The following TRIM14 variants were observed in gnomAD, a reference collection of about 807,000 sequenced individuals.
The protein encoded by TRIM14 is tripartite motif containing 14, also known as tripartite motif-containing protein 14.
In TRIM14, 28 loss-of-function variants were observed where a neutral mutation model predicts 44.5. That is an observed-to-expected ratio of 0.63 (90% CI 0.47 to 0.86). The LOEUF is 0.86. TRIM14 is among the 40% of genes least tolerant of loss of function. The pLI, the probability that TRIM14 is intolerant of heterozygous loss-of-function variation, is 0.00. For synonymous variants in TRIM14, 299 were observed against 269.2 expected (o/e 1.11, Z -1.08); for missense variants, 607 against 611.1 (o/e 0.99, Z 0.07).
intron 6 of TRIM14, among the ~76,000 whole-genome samples, chr9:98,077,826 G>A (rs113657677): frequency 6.6e-6 from 1 of 152,154 alleles, no homozygotes; most frequent in Non-Finnish European, 1.5e-5. Flanking sequence ...AGAAGTGGCA[G>A]CTCCACACCT....
At chr9:98,118,809 C>T (rs1384315094) in intron 1 of TRIM14, among the ~76,000 whole-genome samples, 173 bp downstream of exon 1, 1 of 152,230 alleles carries the variant, frequency 6.6e-6, no homozygotes, top group Admixed American at 6.5e-5. Context: ...CCTTGGGTCT[C>T]AGGCTCCCGC....
the TRIM14 span, among the ~76,000 whole-genome samples, chr9:98,050,435 T>C: frequency 6.6e-6 from 1 of 152,160 alleles, no homozygotes; most frequent in Non-Finnish European, 1.5e-5. Context: ...GAGTAGAGGG[T>C]ACCTCCTTAT....
the TRIM14 span, among the ~76,000 whole-genome samples, chr9:98,042,016 C>T: frequency 6.6e-6 from 1 of 151,532 alleles, no homozygotes; most frequent in South Asian, 2.1e-4. Context: ...TTTTCCTGGC[C>T]GGGCGCGGTG....
chr9:98,091,595 A>G (rs1172500457), intron 5 of TRIM14, among the ~76,000 whole-genome samples: 4 of 152,188 alleles, frequency 2.6e-5, no homozygotes, highest in Admixed American at 2.6e-4. Context: ...ACATAAAAAG[A>G]TATATTAAAT....
rs962328836 is a variant in TRIM14, at chr9:98,078,346, C to T, written c.*29-8659G>A. 14 of 1,613,632 alleles carry T rather than the reference C, an allele frequency of 8.7e-6. No homozygotes were observed. Among genetic ancestry groups the T allele is most frequent in the Admixed American group, 8.3e-5 (5 of 59,980 alleles). On this transcript the variant is annotated intron_variant, in intron 6 of 6. Transcript: ENST00000375098. ...GAGGACGTCAACCTGCGGGTCATCTCGGTGAGCAGGAGGGAGGGGGTTCCC... is the reference window on the plus strand; with the variant it reads ...GAGGACGTCAACCTGCGGGTCATCTTGGTGAGCAGGAGGGAGGGGGTTCCC...
intron 2 of TRIM14, among the ~76,000 whole-genome samples, chr9:98,103,925 C>G (rs946868369): frequency 2.0e-4 from 31 of 152,096 alleles, no homozygotes; most frequent in African/African-American, 7.2e-4. Context: ...ATGAACCCAG[C>G]ACCCAGCCAG....
chr9:98,102,546 C>A (rs1162908127), intron 2 of TRIM14, among the ~76,000 whole-genome samples: 3 of 152,136 alleles, frequency 2.0e-5, no homozygotes, highest in African/African-American at 7.2e-5. Context: ...GGATGAACCT[C>A]GAAGACATCA....
At chr9:98,038,942 G>C in the TRIM14 span, among the ~76,000 whole-genome samples, 1 of 151,960 alleles carries the variant, frequency 6.6e-6, no homozygotes, top group African/African-American at 2.4e-5. Flanking sequence ...CCCAGCTACT[G>C]GGGAGGCTGA....
chr9:98,099,209 T>G (rs1826297266), intron 3 of TRIM14, among the ~76,000 whole-genome samples: 1 of 151,756 alleles, frequency 6.6e-6, no homozygotes, highest in African/African-American at 2.4e-5. Flanking sequence ...TCCCAGCACT[T>G]TGGGAGGCTG....
chr9:98,061,523 T>C, the TRIM14 span, among the ~76,000 whole-genome samples: 1 of 146,368 alleles, frequency 6.8e-6, no homozygotes, highest in African/African-American at 2.5e-5. Flanking sequence ...GTCTCACACC[T>C]GTAATCCCAG....
chr9:98,078,749 C>T (rs947512558), intron 6 of TRIM14, among the ~76,000 whole-genome samples: 1 of 149,658 alleles, frequency 6.7e-6, no homozygotes, highest in African/African-American at 2.5e-5. Context: ...GCAGGAGAAT[C>T]GCTTGAATTC....
chr9:98,063,928 G>T, the TRIM14 span, among the ~76,000 whole-genome samples: 1 of 152,182 alleles, frequency 6.6e-6, no homozygotes, highest in African/African-American at 2.4e-5. Context: ...CTTAGAAATA[G>T]ATTTTTAGGT....
chr9:98,077,434 T>C (rs974816857), intron 6 of TRIM14, among the ~76,000 whole-genome samples: 3 of 152,030 alleles, frequency 2.0e-5, no homozygotes, highest in African/African-American at 7.3e-5. Context: ...GGTCTTGAAC[T>C]CCTGGATTCA....
chr9:98,064,258 A>AT, the TRIM14 span, among the ~76,000 whole-genome samples: 65 of 145,648 alleles, frequency 4.5e-4, no homozygotes, highest in East Asian at 7.9e-4. Context: ...CTAATTCCCT[A>AT]TTTTTTTTTT....
intron 4 of TRIM14, 32 bp downstream of exon 4, chr9:98,094,835 A>AAGG: frequency 6.2e-7 from 1 of 1,606,882 alleles, no homozygotes; most frequent in Non-Finnish European, 8.5e-7. Context: ...TAGGGGAGTT[A>AAGG]AGGACACAAA....
chr9:98,072,226 A>C lies in TRIM14; in HGVS notation c.*29-2539T>G, dbSNP rs144546296. ...CTATCTGGAGGATTCAGGGAGCTAA[A>C]CCCGTGGGGTGCCAGCACAGGGCCA... is the stretch of plus-strand genomic sequence containing the variant. On this transcript the variant is annotated intron_variant, in intron 6 of 6. Coordinates refer to the TRIM14 transcript ENST00000375098. Among the ~76,000 whole-genome samples, 971 of 151,904 alleles carry C rather than the reference A, an allele frequency of 6.4e-3. 6 individuals carry two copies. The highest frequency in any genetic ancestry group is 0.022 in the African/African-American group (918 of 41,436).
chr9:98,087,031 C>T lies in TRIM14; in HGVS notation c.*439G>A, dbSNP rs937893200. On this transcript the variant is annotated 3_prime_UTR_variant, in exon 6 of 6. Coordinates refer to ENST00000341469, the MANE Select transcript of TRIM14 (RefSeq NM_014788.4). ...GGGAGGAAGCGGAAGATTCAAGGGA[C>T]CTCAAGAGACAGAAGAGTCAGGACT... 1 of 302,960 alleles carries T rather than the reference C, an allele frequency of 3.3e-6. No individual in the cohort carries two copies. The highest frequency in any genetic ancestry group is 2.2e-5 in the African/African-American group (1 of 45,190). The allele number at this position is 302,960 out of a possible 1,614,324, so 18.8% of individuals were successfully genotyped here.
At chr9:98,058,239 T>C in the TRIM14 span, among the ~76,000 whole-genome samples, 1 of 152,122 alleles carries the variant, frequency 6.6e-6, no homozygotes, top group Non-Finnish European at 1.5e-5. Context: ...TCGGGACTGG[T>C]TTTATGGAAA....
intron 2 of TRIM14, among the ~76,000 whole-genome samples, chr9:98,108,769 C>T (rs1826722044): frequency 6.6e-6 from 1 of 151,724 alleles, no homozygotes; most frequent in African/African-American, 2.4e-5. Flanking sequence ...GGACTTTAGG[C>T]AAATGTGGGA....
Sources: gnomAD v4.1 joint callset for allele counts (sites outside exome capture counted in the v4.1 genomes callset) on GRCh38, gnomAD v4.1.1 for gene constraint, MANE v1.5 for transcripts, NCBI Gene and HGNC (gene_info 2026-07-23, HGNC 2026-07-21) for gene names.